KANTR: variants seen among roughly 807,000 people sequenced by gnomAD.
The protein encoded by KANTR is KANTR integral membrane protein.
downstream of KANTR, chrX:53,143,995 G>A (rs1487982032): frequency 2.2e-5 from 5 of 225,726 alleles, no homozygotes; most frequent in Non-Finnish European, 2.5e-5. Flanking sequence ...CTGTATTACT[G>A]GATTTTGAAG....
Position 53,113,806 on chromosome X carries a change from C to T in KANTR, c.-804-9663C>T, listed in dbSNP as rs368205881. On this transcript the variant is annotated intron_variant, in intron 2 of 2. Transcript: ENST00000604062. ...ATGTTGATCAGGCTGGTCTCGAACT[C>T]CTGACCTCAAGTGATCTGCCTGCCT... Among the ~76,000 whole-genome samples, 5 of 109,873 alleles carry T rather than the reference C, an allele frequency of 4.6e-5. No individual in the cohort carries two copies. In the South Asian group the frequency reaches 2.0e-3, roughly 44 times the overall value.
At position 53,104,940 on chromosome X, in the gene KANTR, A is replaced by G. The variant is rs188099428; in HGVS notation, c.-805+5332A>G. The stretch of plus-strand genomic sequence containing the variant: ...CACTCTGTCACCCAGACTGGAATGC[A>G]GTGTCCCAATCTTGGCTCACTGCAA... On this transcript the variant is annotated intron_variant, in intron 2 of 2. Coordinates refer to ENST00000604062, the Ensembl canonical transcript of KANTR. Among the ~76,000 whole-genome samples the G allele has an allele frequency of 5.1e-3, 555 of 109,855 alleles. 1 individual carries two copies. The highest frequency in any genetic ancestry group is 0.017 in the African/African-American group (526 of 30,086).
intron 1 of KANTR, among the ~76,000 whole-genome samples, chrX:53,097,841 G>A (rs1460063192): frequency 3.8e-5 from 4 of 104,707 alleles, no homozygotes; most frequent in African/African-American, 1.4e-4. Context: ...ACCTGAGGTC[G>A]GGAGTTCGAG....
intron 2 of KANTR, among the ~76,000 whole-genome samples, chrX:53,101,167 A>C (rs1218591197): frequency 1.8e-5 from 2 of 113,037 alleles, no homozygotes; most frequent in African/African-American, 6.4e-5. Context: ...CTGGAGTAGC[A>C]CTTTTAATTT....
At chrX:53,132,834 A>G (rs1396900900) in intron 2 of KANTR, among the ~76,000 whole-genome samples, 1 of 111,974 alleles carries the variant, frequency 8.9e-6, no homozygotes, top group Non-Finnish European at 1.9e-5. Context: ...TAACCTTTAG[A>G]CCAGTGAGTT....
chrX:53,119,713 TTTTA>T (rs1325790525), intron 2 of KANTR, among the ~76,000 whole-genome samples: 9 of 111,537 alleles, frequency 8.1e-5, no homozygotes, highest in African/African-American at 2.3e-4. Context: ...CCCTTTGTTA[TTTTA>T]TTTATTTATT....
chrX:53,144,211 A>G (rs981944111), downstream of KANTR, among the ~76,000 whole-genome samples: 27 of 111,536 alleles, frequency 2.4e-4, no homozygotes, highest in African/African-American at 7.8e-4. Flanking sequence ...CTTGGGAAAC[A>G]TGGCGAAACC....
chrX:53,097,296 T>TA (rs1208997399), intron 1 of KANTR, among the ~76,000 whole-genome samples: 1 of 108,954 alleles, frequency 9.2e-6, no homozygotes, highest in Admixed American at 9.9e-5. Flanking sequence ...TGCTCCTAGT[T>TA]ACCCTTTCCA....
intron 2 of KANTR, among the ~76,000 whole-genome samples, chrX:53,136,650 C>T (rs1378573110): frequency 7.9e-5 from 6 of 75,563 alleles, no homozygotes; most frequent in Middle Eastern, 6.9e-3. Context: ...GAGGCTCAGC[C>T]TCCCGAGTAG....
At chrX:53,136,869 G>A (rs1306338737) in intron 2 of KANTR, among the ~76,000 whole-genome samples, 24 of 101,565 alleles carry the variant, frequency 2.4e-4, no homozygotes, top group African/African-American at 1.1e-4. Context: ...TCAGCCTCCC[G>A]AGTAGCTAGG....
intron 2 of KANTR, among the ~76,000 whole-genome samples, chrX:53,117,066 G>A (rs1426776784): frequency 9.0e-6 from 1 of 111,304 alleles, no homozygotes; most frequent in Non-Finnish European, 1.9e-5. Flanking sequence ...TGAATCACTT[G>A]AGGTCAGGAG....
At chrX:53,147,690 A>G (rs1490986861), downstream of KANTR, among the ~76,000 whole-genome samples, 2 of 111,449 alleles carry the variant, frequency 1.8e-5, no homozygotes, top group East Asian at 5.6e-4. Context: ...CACCACACCT[A>G]TTCCAAAATT....
intron 1 of KANTR, among the ~76,000 whole-genome samples, chrX:53,095,616 T>C (rs1306617184): frequency 9.1e-6 from 1 of 110,397 alleles, no homozygotes; most frequent in Non-Finnish European, 1.9e-5. Context: ...ATTATACATA[T>C]ATCGCACATA....
downstream of KANTR, among the ~76,000 whole-genome samples, chrX:53,145,365 C>A (rs1175302768): frequency 8.9e-6 from 1 of 112,295 alleles, no homozygotes; most frequent in Non-Finnish European, 1.9e-5. Flanking sequence ...TATCCCGCCC[C>A]TGGCTCGGAG....
chrX:53,132,129 T>G (rs1331400246), downstream of KANTR, among the ~76,000 whole-genome samples: 1 of 112,282 alleles, frequency 8.9e-6, no homozygotes, highest in African/African-American at 3.2e-5. Context: ...TGAAAAACAT[T>G]CATAGGTTGG....
At chrX:53,124,637 A>G (rs1489620628) in exon 3 of KANTR, 2 of 288,109 alleles carry the variant, frequency 6.9e-6, no homozygotes, top group Admixed American at 6.3e-5. Context: ...TTGCTCAGTT[A>G]TAAGTACTTC....
intron 1 of KANTR, among the ~76,000 whole-genome samples, chrX:53,097,493 C>T (rs1340767678): frequency 9.7e-6 from 1 of 103,225 alleles, no homozygotes; most frequent in Non-Finnish European, 2.0e-5. Context: ...GCTGGGACTA[C>T]AGGCATGCAC....
intron 1 of KANTR, among the ~76,000 whole-genome samples, chrX:53,097,384 A>C (rs1602110467): frequency 2.4e-5 from 2 of 82,977 alleles, no homozygotes; most frequent in African/African-American, 4.7e-5. Context: ...ACAGAATCTC[A>C]CTCTGTCACC....
At chrX:53,097,205 C>T (rs1932850708) in intron 1 of KANTR, among the ~76,000 whole-genome samples, 1 of 111,090 alleles carries the variant, frequency 9.0e-6, no homozygotes, top group African/African-American at 3.3e-5. Flanking sequence ...CTGGCTTTCC[C>T]TGAACACTCT....
Sources: allele counts gnomAD v4.1 joint callset (sites outside exome capture counted in the v4.1 genomes callset), GRCh38; gene constraint gnomAD v4.1.1; transcripts MANE v1.5; gene names NCBI Gene and HGNC (gene_info 2026-07-23, HGNC 2026-07-21).